Variants in NALF1 observed in about 807,000 individuals in gnomAD.
The protein encoded by NALF1 is NALCN channel auxiliary factor 1.
Under a neutral mutation model 48.4 loss-of-function variants are expected in NALF1, and 3 were observed. That is an observed-to-expected ratio of 0.06 (90% CI 0.03 to 0.16). The LOEUF is 0.16. NALF1 is among the 10% of genes least tolerant of loss of function. The pLI, the probability that NALF1 is intolerant of heterozygous loss-of-function variation, is 1.00. For missense variants in NALF1, 526 were observed against 571.5 expected, an observed-to-expected ratio of 0.92 and a Z score of 0.81; for synonymous variants, 262 against 245.7, an observed-to-expected ratio of 1.07 and a Z score of -0.62.
intron 1 of NALF1, among the ~76,000 whole-genome samples, chr13:107,407,675 TG>T (rs1883923152): frequency 6.6e-6 from 1 of 151,930 alleles, no homozygotes; most frequent in Admixed American, 6.6e-5. Flanking sequence ...GGAACCTACC[TG>T]GAGAATAGTT....
intron 1 of NALF1, among the ~76,000 whole-genome samples, chr13:107,699,447 C>T (rs1008960364): frequency 1.3e-5 from 2 of 152,084 alleles, no homozygotes; most frequent in South Asian, 4.1e-4. Flanking sequence ...TGTATTCAGA[C>T]ATCCTTTCTA....
chr13:107,791,562 G>C (rs1270166175), intron 1 of NALF1, among the ~76,000 whole-genome samples: 1 of 152,102 alleles, frequency 6.6e-6, no homozygotes, highest in Non-Finnish European at 1.5e-5. Context: ...TCTTCTAATG[G>C]ATATTTTATT....
chr13:107,361,358 G>C, intron 1 of NALF1, among the ~76,000 whole-genome samples: 1 of 152,226 alleles, frequency 6.6e-6, no homozygotes, highest in East Asian at 1.9e-4. Flanking sequence ...GTAAGTAACA[G>C]GTAACTGGAA....
chr13:107,667,922 C>T (rs1030782840), intron 1 of NALF1, among the ~76,000 whole-genome samples: 9 of 152,088 alleles, frequency 5.9e-5, no homozygotes, highest in African/African-American at 1.2e-4. Context: ...AAAAAGTACA[C>T]GAACCACTTT....
rs149055340 is a variant in NALF1 at position 107,367,702 on chromosome 13, A to G, written c.916-156947T>C. ...AGCGTACTGATGCCCCTTGTGCAAA[A>G]TAATACAACATTTCATTTGACATCA... is the stretch of plus-strand genomic sequence containing the variant. On this transcript the variant is annotated intron_variant, in intron 1 of 2. Coordinates refer to ENST00000375915, the MANE Select transcript of NALF1 (RefSeq NM_001080396.3). 4.0e-3 allele frequency among the ~76,000 whole-genome samples: 604 copies of G among 152,316 alleles called. 2 individuals are homozygous for G. The highest frequency in any genetic ancestry group is 0.01 in the Middle Eastern group (3 of 294).
At chr13:107,327,016 C>T (rs1218414196) in intron 1 of NALF1, among the ~76,000 whole-genome samples, 4 of 152,206 alleles carry the variant, frequency 2.6e-5, no homozygotes, top group Non-Finnish European at 4.4e-5. Flanking sequence ...CACAAGAATG[C>T]CTAACCCCAA....
intron 1 of NALF1, among the ~76,000 whole-genome samples, chr13:107,521,385 T>C (rs1248846680): frequency 6.6e-6 from 1 of 152,232 alleles, no homozygotes; most frequent in Non-Finnish European, 1.5e-5. Context: ...CTTAGTGTAA[T>C]AGAAAACCTA....
At chr13:107,194,653 ATTGGC>A (rs1879355294) in intron 2 of NALF1, among the ~76,000 whole-genome samples, 1 of 152,200 alleles carries the variant, frequency 6.6e-6, no homozygotes, top group Non-Finnish European at 1.5e-5. Context: ...TCTTCTAGAC[ATTGGC>A]TTAGGCAAAG....
intron 1 of NALF1, among the ~76,000 whole-genome samples, chr13:107,446,967 T>C (rs1174862983): frequency 2.0e-5 from 3 of 152,244 alleles, no homozygotes; most frequent in African/African-American, 4.8e-5. Context: ...CACCATTGTA[T>C]GCTTAACACC....
At chr13:107,833,816 T>C (rs1461733271) in intron 1 of NALF1, among the ~76,000 whole-genome samples, 1 of 152,212 alleles carries the variant, frequency 6.6e-6, no homozygotes, top group African/African-American at 2.4e-5. Context: ...TTTCTAATAA[T>C]AGTATTTTAA....
In NALF1 at chr13:107,563,792, C is replaced by G. The variant is rs575784105; in HGVS notation, c.915+301890G>C. On this transcript the variant is annotated intron_variant, in intron 1 of 2. Transcript: ENST00000375915. ...TTTGTTATAAAGCTATTTCCTGCTACTGGAGGGTTTGAAATAACATTTACT... is the reference window on the plus strand; with the variant it reads ...TTTGTTATAAAGCTATTTCCTGCTAGTGGAGGGTTTGAAATAACATTTACT... 9.2e-5 allele frequency among the ~76,000 whole-genome samples: 14 copies of G among 152,270 alleles called. No individual in the cohort carries two copies. In the East Asian group the frequency reaches 2.7e-3, roughly 29 times the overall value.
intron 1 of NALF1, among the ~76,000 whole-genome samples, chr13:107,406,319 T>C (rs921891644): frequency 2.0e-5 from 3 of 152,042 alleles, no homozygotes; most frequent in African/African-American, 7.2e-5. Context: ...AAAGACCCAA[T>C]GATCTGTTGC....
chr13:107,182,228 G>T (rs1879078659), intron 2 of NALF1, among the ~76,000 whole-genome samples: 1 of 103,380 alleles, frequency 9.7e-6, no homozygotes, highest in East Asian at 2.3e-4. Flanking sequence ...TATTTATGCT[G>T]TGTGTGTGTG....
chr13:107,366,626 T>G (rs1883156429), intron 1 of NALF1, among the ~76,000 whole-genome samples: 1 of 152,210 alleles, frequency 6.6e-6, no homozygotes. Flanking sequence ...TGCCGACTGA[T>G]TTTTGCTTTG....
At chr13:107,568,134 TG>T (rs1877870568) in intron 1 of NALF1, among the ~76,000 whole-genome samples, 5 of 152,092 alleles carry the variant, frequency 3.3e-5, no homozygotes, top group Non-Finnish European at 1.5e-5. Flanking sequence ...TGCACCACCA[TG>T]CCTGGCTAAT....
chr13:107,583,955 A>T (rs1878381637), intron 1 of NALF1, among the ~76,000 whole-genome samples: 1 of 152,104 alleles, frequency 6.6e-6, no homozygotes, highest in Non-Finnish European at 1.5e-5. Flanking sequence ...TAAGGACAAA[A>T]AAATCATCTT....
intron 1 of NALF1, among the ~76,000 whole-genome samples, chr13:107,385,552 C>CAAAAAAAAAAA (rs201307018): frequency 1.1e-4 from 13 of 118,266 alleles, no homozygotes; most frequent in African/African-American, 3.4e-4. Context: ...GATTCCATCT[C>CAAAAAAAAAAA]AAAAAAAAAA....
chr13:107,204,682 T>C (rs1879597254), intron 2 of NALF1, among the ~76,000 whole-genome samples: 2 of 152,210 alleles, frequency 1.3e-5, no homozygotes, highest in Non-Finnish European at 2.9e-5. Context: ...ATGAAGTTAC[T>C]ACATTTTACT....
intron 1 of NALF1, among the ~76,000 whole-genome samples, chr13:107,220,264 G>T (rs950003194): frequency 3.3e-5 from 5 of 152,172 alleles, no homozygotes; most frequent in African/African-American, 1.2e-4. Flanking sequence ...AATGTGTCCT[G>T]CTAGTGAGAA....
Sources: allele counts gnomAD v4.1 joint callset (sites outside exome capture counted in the v4.1 genomes callset), GRCh38; gene constraint gnomAD v4.1.1; transcripts MANE v1.5; gene names NCBI Gene and HGNC (gene_info 2026-07-23, HGNC 2026-07-21).